The following MAGI1 variants were observed in gnomAD, a reference collection of about 807,000 sequenced individuals.
MAGI1 encodes membrane associated guanylate kinase, WW and PDZ domain containing 1.
In MAGI1, 58 loss-of-function variants were observed where a neutral mutation model predicts 139.9. The observed-to-expected ratio is 0.41, with a 90% CI of 0.34 to 0.52. The LOEUF is 0.52. Among genes scored for constraint, MAGI1 ranks in the 20% least tolerant of loss-of-function variants. The pLI is 0.12. For synonymous variants in MAGI1, 812 were observed against 737.9 expected (o/e 1.10, Z -1.63); for missense variants, 1,874 against 1,901.6 (o/e 0.99, Z 0.27).
intron 1 of MAGI1, among the ~76,000 whole-genome samples, chr3:66,022,726 TATA>T (rs1468945733): frequency 2.6e-5 from 4 of 152,228 alleles, no homozygotes; most frequent in Non-Finnish European, 5.9e-5. Context: ...CTATTGCCAT[TATA>T]ATGCCATATA....
intron 2 of MAGI1, among the ~76,000 whole-genome samples, chr3:65,606,134 G>A (rs1257005853): frequency 6.6e-6 from 1 of 151,986 alleles, no homozygotes; most frequent in African/African-American, 2.4e-5. Flanking sequence ...AAGTCTATGG[G>A]GATAATACTA....
rs1575951187 is a variant in MAGI1 at position 65,483,143 on chromosome 3, G to A, written c.551-4345C>T. Among the ~76,000 whole-genome samples the A allele has an allele frequency of 2.0e-5, 3 of 152,238 alleles. No individual in the cohort carries two copies. The South Asian group carries it at 6.2e-4, about 31-fold the overall frequency. On this transcript the variant is annotated intron_variant, in intron 3 of 22. Coordinates refer to ENST00000402939, the MANE Select transcript of MAGI1 (RefSeq NM_001033057.2). ...ATAATTCACAGATTAGCCTTTGAGT[G>A]AATTGATTTTTGGAGAGCTTGCTTT... is the stretch of plus-strand genomic sequence containing the variant.
intron 1 of MAGI1, among the ~76,000 whole-genome samples, chr3:65,893,361 C>A: frequency 6.6e-6 from 1 of 150,872 alleles, no homozygotes; most frequent in East Asian, 1.9e-4. Context: ...ATGAAAATTA[C>A]ATTCAAACCG....
chr3:65,409,635 T>C (rs1945620735), intron 12 of MAGI1, among the ~76,000 whole-genome samples: 1 of 151,314 alleles, frequency 6.6e-6, no homozygotes, highest in African/African-American at 2.4e-5. Flanking sequence ...CATGTTTCAT[T>C]TTTTTTTTCT....
intron 1 of MAGI1, among the ~76,000 whole-genome samples, chr3:65,853,568 C>A (rs1229097187): frequency 6.6e-6 from 1 of 152,088 alleles, no homozygotes; most frequent in African/African-American, 2.4e-5. Context: ...CAGTTCTGCC[C>A]ACACTAACCT....
intron 1 of MAGI1, among the ~76,000 whole-genome samples, chr3:65,791,006 C>T (rs971959221): frequency 2.6e-5 from 4 of 152,014 alleles, no homozygotes; most frequent in African/African-American, 7.2e-5. Flanking sequence ...GCCCAGGAAG[C>T]GGAGGTTGCA....
chr3:65,851,601 T>G (rs1467173524), intron 1 of MAGI1, among the ~76,000 whole-genome samples: 1 of 151,990 alleles, frequency 6.6e-6, no homozygotes, highest in East Asian at 1.9e-4. Flanking sequence ...ATACAAAAAT[T>G]AGCCAGGCGT....
intron 2 of MAGI1, chr3:65,549,392 A>G (rs554459091): frequency 2.8e-4 from 274 of 984,166 alleles, no homozygotes; most frequent in Non-Finnish European, 3.2e-4. Context: ...TCCAAACCCA[A>G]GGACAAAACC....
intron 1 of MAGI1, among the ~76,000 whole-genome samples, chr3:65,938,916 T>C (rs1430716641): frequency 6.6e-6 from 1 of 152,192 alleles, no homozygotes; most frequent in Non-Finnish European, 1.5e-5. Flanking sequence ...TTAGTGAGGA[T>C]GCAACCATTG....
chr3:65,568,997 C>T (rs2080814234), intron 2 of MAGI1, among the ~76,000 whole-genome samples: 1 of 152,198 alleles, frequency 6.6e-6, no homozygotes, highest in Admixed American at 6.5e-5. Flanking sequence ...TTGTTTGGCT[C>T]ACACAGTACT....
chr3:65,370,037 A>T (rs553076037), intron 18 of MAGI1, among the ~76,000 whole-genome samples: 1 of 152,300 alleles, frequency 6.6e-6, no homozygotes, highest in Non-Finnish European at 1.5e-5. Context: ...TTATCTCTTC[A>T]CTGAACTGTA....
intron 1 of MAGI1, among the ~76,000 whole-genome samples, chr3:66,011,533 CAG>C (rs1260380118): frequency 6.6e-6 from 1 of 152,100 alleles, no homozygotes; most frequent in Non-Finnish European, 1.5e-5. Context: ...GTGTTGGCTG[CAG>C]AGAGTCACCT....
chr3:65,683,286 A>T (rs149444333), intron 1 of MAGI1, among the ~76,000 whole-genome samples: 2 of 152,098 alleles, frequency 1.3e-5, no homozygotes, highest in African/African-American at 4.8e-5. Flanking sequence ...AATGTACCCA[A>T]TGGATTTTGG....
At chr3:65,453,132 C>A (rs1949142858) in intron 6 of MAGI1, 126 bp downstream of exon 6, 6 of 773,786 alleles carry the variant, frequency 7.8e-6, no homozygotes, top group African/African-American at 1.7e-5. Context: ...GTCCATTTAG[C>A]AGAAATTGGA....
chr3:66,026,212 T>C (rs1047127835), intron 1 of MAGI1, among the ~76,000 whole-genome samples: 2 of 152,212 alleles, frequency 1.3e-5, no homozygotes, highest in East Asian at 3.9e-4. Flanking sequence ...GCCAAGGTGG[T>C]ACCTTCCACG....
chr3:65,628,880 G>A (rs1237274270), intron 1 of MAGI1, among the ~76,000 whole-genome samples: 1 of 151,924 alleles, frequency 6.6e-6, no homozygotes, highest in Non-Finnish European at 1.5e-5. Context: ...TGTCTTTTAT[G>A]TTTTCCTTTC....
intron 1 of MAGI1, among the ~76,000 whole-genome samples, chr3:65,971,134 T>C (rs74886637): frequency 0.053 from 8,048 of 152,106 alleles, 542 homozygotes; most frequent in African/African-American, 0.15. Flanking sequence ...ACCCAGGAGG[T>C]AGAGGCTGCA....
intron 1 of MAGI1, among the ~76,000 whole-genome samples, chr3:65,783,218 A>T (rs1380458073): frequency 6.6e-6 from 1 of 152,200 alleles, no homozygotes; most frequent in African/African-American, 2.4e-5. Context: ...AAATATTTTA[A>T]CAGATATTTC....
At chr3:65,935,081 G>A (rs1280277486) in intron 1 of MAGI1, among the ~76,000 whole-genome samples, 1 of 152,174 alleles carries the variant, frequency 6.6e-6, no homozygotes, top group Non-Finnish European at 1.5e-5. Flanking sequence ...AGAGGTTACA[G>A]TTCCCCAAAT....
Sources: gnomAD v4.1 joint callset for allele counts (sites outside exome capture counted in the v4.1 genomes callset) on GRCh38, gnomAD v4.1.1 for gene constraint, MANE v1.5 for transcripts, NCBI Gene and HGNC (gene_info 2026-07-23, HGNC 2026-07-21) for gene names.